NMBR: variants seen among roughly 807,000 people sequenced by gnomAD.
The protein encoded by NMBR is neuromedin B receptor, also known as neuromedin-B receptor.
NMBR carries 16 observed loss-of-function variants against 20.5 expected under a neutral mutation model. The ratio of observed to expected loss-of-function variants is 0.78; its 90% CI spans 0.53 to 1.19. NMBR has a LOEUF of 1.19. Among genes scored for constraint, NMBR ranks in the 50% most tolerant of loss-of-function variants. The pLI, the probability that NMBR is intolerant of heterozygous loss-of-function variation, is 0.00. For synonymous variants in NMBR, 212 were observed against 196.6 expected (o/e 1.08, Z -0.65); for missense variants, 582 against 499.1 (o/e 1.17, Z -1.58).
intron 2 of NMBR, among the ~76,000 whole-genome samples, chr6:142,086,647 T>C (rs1191200329): frequency 6.6e-6 from 1 of 152,142 alleles, no homozygotes; most frequent in Non-Finnish European, 1.5e-5. Context: ...TACTAAAGTA[T>C]TCATCCTGTA....
At chr6:142,129,625 G>A (rs762179671) in intron 1 of NMBR, among the ~76,000 whole-genome samples, 4 of 151,952 alleles carry the variant, frequency 2.6e-5, no homozygotes, top group Non-Finnish European at 4.4e-5. Flanking sequence ...TGGAATTTGC[G>A]TCTGTTATTT....
chr6:142,079,096 G>GAA (rs1284031785), intron 2 of NMBR, among the ~76,000 whole-genome samples, 193 bp from the exon 3 acceptor site: 43 of 47,162 alleles, frequency 9.1e-4, no homozygotes, highest in African/African-American at 6.8e-3. Context: ...AAGAGAGAAA[G>GAA]AGAGAGAGAG....
At chr6:142,132,531 A>C (rs190101899) in intron 1 of NMBR, among the ~76,000 whole-genome samples, 2 of 152,332 alleles carry the variant, frequency 1.3e-5, no homozygotes, top group Non-Finnish European at 2.9e-5. Flanking sequence ...GCAAGCATTC[A>C]ACAACTAGAC....
chr6:142,097,857 C>T (rs966619315), intron 1 of NMBR, among the ~76,000 whole-genome samples: 4 of 151,662 alleles, frequency 2.6e-5, no homozygotes, highest in Non-Finnish European at 4.4e-5. Context: ...ACATGAAAAA[C>T]ATAAAAAGAC....
chr6:142,078,410 T>A (rs1776995691), intron 3 of NMBR, 145 bp downstream of exon 3: 1 of 579,156 alleles, frequency 1.7e-6, no homozygotes, highest in Non-Finnish European at 3.1e-6. Context: ...ATATTAGAGA[T>A]CCCCACATAT....
At chr6:142,076,432 TA>T (rs983712433) in intron 3 of NMBR, among the ~76,000 whole-genome samples, 1 of 152,130 alleles carries the variant, frequency 6.6e-6, no homozygotes, top group Non-Finnish European at 1.5e-5. Flanking sequence ...TTAGGTGTTT[TA>T]AAAAAATCAG....
intron 1 of NMBR, among the ~76,000 whole-genome samples, chr6:142,137,575 G>A (rs1010948356): frequency 5.3e-5 from 8 of 152,170 alleles, no homozygotes; most frequent in African/African-American, 9.7e-5. Context: ...TCTTGTGCCA[G>A]TTTTCAAAGG....
intron 1 of NMBR, among the ~76,000 whole-genome samples, chr6:142,139,881 T>C (rs1778336344): frequency 6.6e-6 from 1 of 152,150 alleles, no homozygotes; most frequent in Non-Finnish European, 1.5e-5. Context: ...TAGTAAAAAT[T>C]AATAAGAGCA....
intron 1 of NMBR, among the ~76,000 whole-genome samples, chr6:142,131,437 A>C (rs1778140551): frequency 6.6e-6 from 1 of 152,194 alleles, no homozygotes; most frequent in African/African-American, 2.4e-5. Context: ...ACGTAAAGCA[A>C]GCAGAGTCCT....
At chr6:142,120,627 G>GA (rs1346946902) in intron 1 of NMBR, among the ~76,000 whole-genome samples, 1 of 151,922 alleles carries the variant, frequency 6.6e-6, no homozygotes, top group East Asian at 1.9e-4. Flanking sequence ...GAGCAGAGTG[G>GA]AAAGACCTTG....
chr6:142,120,023 C>T (rs1041764314), intron 1 of NMBR, among the ~76,000 whole-genome samples: 2 of 151,998 alleles, frequency 1.3e-5, no homozygotes, highest in Non-Finnish European at 2.9e-5. Flanking sequence ...TACTATATTA[C>T]AAATATTGCA....
In NMBR at chr6:142,127,056, A is replaced by G. The variant is rs372190148; in HGVS notation, c.-664+19988T>C. On this transcript the variant is annotated intron_variant, in intron 1 of 3. Coordinates refer to ENST00000258042, the MANE Select transcript of NMBR (RefSeq NM_002511.4). ...CTGGCTTTTAGTGTCCTATCCAAAA[A>G]TTCATGCTCAGACCCATGCGAAGAA... is the stretch of plus-strand genomic sequence containing the variant. 1.9e-4 allele frequency among the ~76,000 whole-genome samples: 29 copies of G among 152,008 alleles called. No individual in the cohort carries two copies. In the East Asian group the frequency reaches 4.1e-3, roughly 21 times the overall value.
At position 142,088,659 on chromosome 6, in the gene NMBR, G is replaced by A. The variant is rs1777254557; in HGVS notation, c.-1C>T. The A allele has an allele frequency of 1.3e-6, 2 of 1,597,236 alleles. No individual in the cohort carries two copies. On this transcript the variant is annotated 5_prime_UTR_variant, in exon 2 of 4. Coordinates refer to ENST00000258042, the MANE Select transcript of NMBR (RefSeq NM_002511.4). The stretch of plus-strand genomic sequence containing the variant: ...GGTTGGAAAGAGACTTAGAGGGCAT[G>A]ATCTCCTTTCCAGCAGAGTCCGCTG...
chr6:142,142,163 A>T (rs1778371922), intron 1 of NMBR, among the ~76,000 whole-genome samples: 1 of 152,156 alleles, frequency 6.6e-6, no homozygotes, highest in Admixed American at 6.6e-5. Context: ...AAAAAATATG[A>T]CTTATCCATA....
chr6:142,079,046 AAGAAAGAG>A (rs1385252028), intron 2 of NMBR, 143 bp from the exon 3 acceptor site: 94 of 466,198 alleles, frequency 2.0e-4, no homozygotes, highest in African/African-American at 1.6e-3. Context: ...GAAAGAGAGA[AAGAAAGAG>A]AGAAAGAGAG....
chr6:142,089,189 G>A lies in NMBR; in HGVS notation c.-531C>T, dbSNP rs1314335029. ...TGTTGTATTGTGTGGAACTGGAGGG[G>A]AGGTCAGTCCTCCATGCATGTGTGT... is the stretch of plus-strand genomic sequence containing the variant. On this transcript the variant is annotated 5_prime_UTR_variant, in exon 2 of 4. Coordinates refer to ENST00000258042, the MANE Select transcript of NMBR (RefSeq NM_002511.4). 6.3e-6 allele frequency: 1 copy of A among 158,610 alleles called. No homozygotes were observed. The highest frequency in any genetic ancestry group is 1.4e-5 in the Non-Finnish European group (1 of 71,364). 9.8% of individuals were successfully genotyped at this position (158,610 alleles called of 1,614,324 possible). A position where few individuals can be genotyped will look rare whatever the true frequency, so the allele number is the denominator to read the frequency against.
chr6:142,135,748 T>C (rs1441170594), intron 1 of NMBR, among the ~76,000 whole-genome samples: 1 of 151,784 alleles, frequency 6.6e-6, no homozygotes, highest in Non-Finnish European at 1.5e-5. Flanking sequence ...ATGCGGTGTT[T>C]GGTTTTTTGT....
chr6:142,075,748 G>T lies in NMBR; in HGVS notation c.1073C>A (p.Ser358Ter). The change falls in exon 4 of 4, where the codon TCA becomes TAA. Residue 358 changes from serine to a stop codon, truncating the protein, a stop_gained. Transcript: ENST00000258042. LOFTEE classifies it high-confidence loss of function. ...TTTCAGAGATGTCATACGCACCGCT[G>T]AAGAGCTGAGTAGGTAGCTGGTTCC... ...ERGTSYLLSS[S>*]AVRMTSLKSN... is the part of the protein sequence containing the mutation. The T allele has an allele frequency of 6.2e-7, 1 of 1,614,068 alleles. No individual in the cohort carries two copies. The highest frequency in any genetic ancestry group is 1.1e-5 in the South Asian group (1 of 91,070).
intron 1 of NMBR, among the ~76,000 whole-genome samples, chr6:142,143,323 C>T (rs747974829): frequency 1.1e-4 from 16 of 152,216 alleles, no homozygotes; most frequent in Non-Finnish European, 2.1e-4. Context: ...CTCGCTCTGT[C>T]GCCCAGGCTG....
Sources: allele counts gnomAD v4.1 joint callset (sites outside exome capture counted in the v4.1 genomes callset), GRCh38; gene constraint gnomAD v4.1.1; transcripts MANE v1.5; gene names NCBI Gene and HGNC (gene_info 2026-07-23, HGNC 2026-07-21).